Variants in IPO11 observed in about 807,000 individuals in gnomAD.
IPO11 encodes importin-11.
In IPO11, 66 loss-of-function variants were observed where a neutral mutation model predicts 143.2. That is an observed-to-expected ratio of 0.46 (90% CI 0.38 to 0.57). IPO11 has a LOEUF of 0.57. Ranked by LOEUF, IPO11 falls within the 20% of genes least tolerant of loss-of-function variation. The probability of loss-of-function intolerance (pLI) is 0.00; values close to 1 mark genes in which losing one functional copy is unlikely to be tolerated. For synonymous variants in IPO11, 385 were observed against 377.8 expected (o/e 1.02, Z -0.22); for missense variants, 1,026 against 1,141.0 (o/e 0.90, Z 1.45).
intron 16 of IPO11, among the ~76,000 whole-genome samples, chr5:62,498,895 G>A (rs1741246040): frequency 6.6e-6 from 1 of 152,110 alleles, no homozygotes; most frequent in African/African-American, 2.4e-5. Flanking sequence ...TTTTTAGAAA[G>A]TTTTACTTAG....
chr5:62,580,808 G>C, intron 27 of IPO11: 2 of 1,551,350 alleles, frequency 1.3e-6, no homozygotes, highest in East Asian at 4.9e-5. Context: ...TTCTGGGAAC[G>C]AATTCCTACT....
At chr5:62,439,626 T>C (rs558747326) in intron 2 of IPO11, among the ~76,000 whole-genome samples, 1 of 151,862 alleles carries the variant, frequency 6.6e-6, no homozygotes, top group Admixed American at 6.6e-5. Context: ...AGGGTCTTGC[T>C]TTGTTGGCTG....
intron 29 of IPO11, among the ~76,000 whole-genome samples, chr5:62,625,386 A>G (rs1474022028): frequency 1.3e-5 from 2 of 152,204 alleles, no homozygotes; most frequent in Non-Finnish European, 2.9e-5. Context: ...AATAATTTTA[A>G]AATTAAGCAA....
chr5:62,448,089 G>GT (rs1488855101), intron 3 of IPO11, among the ~76,000 whole-genome samples: 1 of 151,786 alleles, frequency 6.6e-6, no homozygotes, highest in Admixed American at 6.6e-5. Context: ...GATTACAGTA[G>GT]TTTCTTCTTA....
intron 18 of IPO11, among the ~76,000 whole-genome samples, chr5:62,505,844 C>T (rs539801522): frequency 2.6e-5 from 4 of 151,940 alleles, no homozygotes; most frequent in Admixed American, 2.0e-4. Context: ...GTCTTTTTGC[C>T]GTAATGAGTA....
At chr5:62,473,777 T>C (rs1745866292) in intron 7 of IPO11, among the ~76,000 whole-genome samples, 4 of 152,284 alleles carry the variant, frequency 2.6e-5, no homozygotes, top group South Asian at 2.1e-4. Context: ...TCTTTATATT[T>C]ATTCCTGTTA....
In IPO11 at chr5:62,513,125, C is replaced by T. The variant is rs1481109218; in HGVS notation, c.1783-2263C>T. Among the ~76,000 whole-genome samples, 17 of 150,614 alleles carry T rather than the reference C, an allele frequency of 1.1e-4. No homozygotes were observed. In the East Asian group the frequency reaches 1.4e-3, roughly 13 times the overall value. On this transcript the variant is annotated intron_variant, in intron 19 of 29. Transcript: ENST00000325324. ...TACACCTCCCAGACGGGGTGGTGGC[C>T]GGGCAGAGGGGCTCCTCACTTCCCA...
In IPO11 at chr5:62,550,417, T is replaced by G. The variant is rs1247635339; in HGVS notation, c.2301T>G (p.Phe767Leu). ...KVNPILGPQM[F>L]QPILPYVFKG... ...ACCCAATACTAGGTCCACAAATGTT[T>G]CAACCGATTTTACCCTATGTTTTCA... is the stretch of plus-strand genomic sequence containing the variant. Residue 767 changes from phenylalanine to leucine, a missense_variant, in exon 25 of 30, where the codon TTT becomes TTG. Phe to Leu is a conservative substitution (Grantham distance 22, BLOSUM62 0). Transcript: ENST00000325324. The G allele has an allele frequency of 2.5e-6, 4 of 1,613,416 alleles. No homozygotes were observed. The highest frequency in any genetic ancestry group is 2.2e-5 in the East Asian group (1 of 44,808).
At chr5:62,533,744 T>C (rs2112318445) in intron 22 of IPO11, among the ~76,000 whole-genome samples, 1 of 152,212 alleles carries the variant, frequency 6.6e-6, no homozygotes, top group Admixed American at 6.5e-5. Context: ...GTAGATTGCT[T>C]GAGGACAGGA....
chr5:62,458,668 T>A (rs1322791626), intron 5 of IPO11, among the ~76,000 whole-genome samples: 1 of 152,210 alleles, frequency 6.6e-6, no homozygotes, highest in Non-Finnish European at 1.5e-5. Context: ...GCTGTGAACC[T>A]GTGGGGATTT....
At chr5:62,623,181 A>G (rs927585626) in intron 29 of IPO11, among the ~76,000 whole-genome samples, 5 of 152,236 alleles carry the variant, frequency 3.3e-5, no homozygotes, top group African/African-American at 1.2e-4. Context: ...AGATAATTTA[A>G]TTAAGGAATT....
chr5:62,518,622 TA>T (rs1041268825), intron 20 of IPO11, among the ~76,000 whole-genome samples: 24 of 151,846 alleles, frequency 1.6e-4, no homozygotes, highest in Non-Finnish European at 2.7e-4. Context: ...TCAAAAATAA[TA>T]AAAAAAATTT....
intron 21 of IPO11, among the ~76,000 whole-genome samples, chr5:62,527,406 C>T (rs999733060): frequency 3.3e-5 from 5 of 152,190 alleles, no homozygotes; most frequent in South Asian, 4.2e-4. Context: ...TATGGCTGTG[C>T]GCCAATTAAA....
chr5:62,427,509 C>T (rs1743801719), intron 1 of IPO11, among the ~76,000 whole-genome samples: 1 of 152,156 alleles, frequency 6.6e-6, no homozygotes, highest in Non-Finnish European at 1.5e-5. Flanking sequence ...CCGTGGCCTG[C>T]TAGGAACTGG....
chr5:62,506,223 C>T lies in IPO11; in HGVS notation c.1666-18C>T, dbSNP rs1270830893. The T allele has an allele frequency of 2.2e-6, 3 of 1,380,764 alleles. No individual in the cohort carries two copies. The highest frequency in any genetic ancestry group is 1.8e-5 in the Admixed American group (1 of 54,638). 85.5% of individuals were successfully genotyped at this position (1,380,764 alleles called of 1,614,324 possible). On this transcript the variant is annotated intron_variant, in intron 18 of 29. Coordinates refer to ENST00000325324, the MANE Select transcript of IPO11 (RefSeq NM_016338.5). ...TTCTATTATAAACCTTTTTTATTTT[C>T]TTTCTTTTTACCTGCAGTATTTGGA...
intron 29 of IPO11, among the ~76,000 whole-genome samples, chr5:62,620,363 C>T (rs1309521186): frequency 6.6e-6 from 1 of 151,922 alleles, no homozygotes; most frequent in Non-Finnish European, 1.5e-5. Flanking sequence ...CCTAAAAATA[C>T]AAAAAGTTAG....
intron 24 of IPO11, among the ~76,000 whole-genome samples, chr5:62,548,322 C>G (rs1234236588): frequency 1.3e-5 from 2 of 152,132 alleles, no homozygotes; most frequent in Non-Finnish European, 2.9e-5. Flanking sequence ...GATTCTGTTA[C>G]TTTAATTTTC....
intron 5 of IPO11, among the ~76,000 whole-genome samples, chr5:62,465,885 A>G (rs1005384618): frequency 3.9e-5 from 6 of 152,268 alleles, no homozygotes; most frequent in Admixed American, 6.5e-5. Flanking sequence ...AGAATGGCAC[A>G]GAAACAATAG....
chr5:62,463,631 A>G (rs1580208384), intron 5 of IPO11, among the ~76,000 whole-genome samples: 1 of 151,404 alleles, frequency 6.6e-6, no homozygotes, highest in Non-Finnish European at 1.5e-5. Flanking sequence ...TGATTGCGCC[A>G]CTGCACTCTA....
Sources: gnomAD v4.1 joint callset for allele counts (sites outside exome capture counted in the v4.1 genomes callset) on GRCh38, gnomAD v4.1.1 for gene constraint, MANE v1.5 for transcripts, NCBI Gene and HGNC (gene_info 2026-07-23, HGNC 2026-07-21) for gene names.